SMYD3: variants seen among roughly 807,000 people sequenced by gnomAD.
SMYD3 encodes the protein SET and MYND domain containing 3.
Under a neutral mutation model 57.7 loss-of-function variants are expected in SMYD3, and 36 were observed. The ratio of observed to expected loss-of-function variants is 0.62; its 90% CI spans 0.48 to 0.82. The LOEUF (loss-of-function observed/expected upper bound fraction) is 0.82, where lower values mean the gene tolerates loss of function less well. SMYD3 is among the 40% of genes least tolerant of loss of function. The pLI, the probability that SMYD3 is intolerant of heterozygous loss-of-function variation, is 0.00. For missense variants in SMYD3, 515 were observed against 538.8 expected (o/e 0.96, Z 0.44); for synonymous variants, 211 against 195.0 (o/e 1.08, Z -0.68).
intron 5 of SMYD3, among the ~76,000 whole-genome samples, chr1:246,301,449 A>G (rs1437145570): frequency 6.6e-6 from 1 of 152,162 alleles, no homozygotes; most frequent in Non-Finnish European, 1.5e-5. Flanking sequence ...AGGGAAAACA[A>G]TAAAGCTACA....
intron 5 of SMYD3, among the ~76,000 whole-genome samples, chr1:246,086,189 T>C (rs1308994226): frequency 6.6e-6 from 1 of 152,028 alleles, no homozygotes; most frequent in Non-Finnish European, 1.5e-5. Flanking sequence ...ACAGCATACC[T>C]TTCTTAAAGG....
chr1:246,253,076 G>A (rs1006757908), intron 5 of SMYD3, among the ~76,000 whole-genome samples: 1 of 152,198 alleles, frequency 6.6e-6, no homozygotes, highest in Non-Finnish European at 1.5e-5. Flanking sequence ...ATATGTGCCT[G>A]AAACTGATAG....
Position 245,858,537 on chromosome 1 carries a change from C to G in SMYD3, c.1035G>C (p.Glu345Asp). 6.2e-7 allele frequency: 1 copy of G among 1,614,170 alleles called. No individual in the cohort carries two copies. Among genetic ancestry groups the G allele is most frequent in the East Asian group, 2.2e-5 (1 of 44,886 alleles). ...TCCGAGTACCATAGAACAAGGCTTC[C>G]TCCAACAGGCCGAGGTTGATGCAGG... ...MDACINLGLL[E>D]EALFYGTRTM... The change falls in exon 10 of 12, where the codon GAG (glutamate) becomes GAC (aspartate). Residue 345 changes from glutamate (E) to aspartate (D), a missense_variant. Transcript: ENST00000490107.
intron 1 of SMYD3, among the ~76,000 whole-genome samples, chr1:246,498,485 G>A (rs558937409): frequency 2.6e-5 from 4 of 152,312 alleles, no homozygotes; most frequent in African/African-American, 4.8e-5. Flanking sequence ...TGTAATCCCA[G>A]CACTTTGGGA....
At chr1:246,031,299 C>T (rs2059669031) in intron 5 of SMYD3, among the ~76,000 whole-genome samples, 1 of 152,008 alleles carries the variant, frequency 6.6e-6, no homozygotes, top group Non-Finnish European at 1.5e-5. Context: ...TGGGTTTATT[C>T]AGACCAACTT....
intron 1 of SMYD3, among the ~76,000 whole-genome samples, chr1:246,379,061 T>C (rs972160718): frequency 3.4e-5 from 4 of 117,146 alleles, no homozygotes; most frequent in Non-Finnish European, 5.1e-5. Flanking sequence ...TAAGTATATA[T>C]ATACTTACAC....
chr1:245,822,669 C>G (rs2049237736), intron 10 of SMYD3, among the ~76,000 whole-genome samples: 1 of 152,134 alleles, frequency 6.6e-6, no homozygotes, highest in Non-Finnish European at 1.5e-5. Flanking sequence ...TGCTAACTTC[C>G]TCCGCTGAGG....
intron 5 of SMYD3, among the ~76,000 whole-genome samples, chr1:246,257,371 T>C (rs10924641): frequency 0.21 from 31,557 of 152,138 alleles, 3,986 homozygotes; most frequent in East Asian, 0.58. Context: ...TAAATCCTCT[T>C]GTTGAATTGA....
intron 1 of SMYD3, among the ~76,000 whole-genome samples, chr1:246,392,253 T>C (rs2066585168): frequency 6.6e-6 from 1 of 151,898 alleles, no homozygotes; most frequent in East Asian, 1.9e-4. Context: ...AAAATGGGAG[T>C]TGAAGATTTT....
At chr1:245,957,503 C>A (rs780840178) in intron 5 of SMYD3, among the ~76,000 whole-genome samples, 8 of 152,234 alleles carry the variant, frequency 5.3e-5, no homozygotes, top group Non-Finnish European at 1.2e-4. Context: ...ATGCACTTCT[C>A]TAACTTGAGC....
chr1:245,836,457 G>A (rs556525901), intron 10 of SMYD3, among the ~76,000 whole-genome samples: 5 of 152,338 alleles, frequency 3.3e-5, no homozygotes, highest in East Asian at 1.9e-4. Context: ...CTTGAGAGAG[G>A]AGTCTGTGTT....
At chr1:246,384,942 T>C (rs1454350661) in intron 1 of SMYD3, among the ~76,000 whole-genome samples, 2 of 152,158 alleles carry the variant, frequency 1.3e-5, no homozygotes, top group African/African-American at 2.4e-5. Context: ...CATTACATAA[T>C]ATTCTCTAGG....
chr1:245,873,420 C>T (rs1024191007), intron 8 of SMYD3, among the ~76,000 whole-genome samples: 3 of 152,156 alleles, frequency 2.0e-5, no homozygotes, highest in Non-Finnish European at 2.9e-5. Context: ...GTTGTGTAAA[C>T]GCTACCAGGT....
At chr1:246,365,338 T>A (rs1465902298) in intron 1 of SMYD3, among the ~76,000 whole-genome samples, 22 of 145,576 alleles carry the variant, frequency 1.5e-4, no homozygotes, top group Admixed American at 3.4e-4. Flanking sequence ...AAAAAAAAAA[T>A]TAAAAAATTA....
intron 5 of SMYD3, among the ~76,000 whole-genome samples, chr1:246,094,586 T>G (rs895654805): frequency 6.6e-6 from 1 of 152,182 alleles, no homozygotes; most frequent in Non-Finnish European, 1.5e-5. Flanking sequence ...CTTTCCAGAC[T>G]TTTAAAGCCC....
chr1:246,252,465 T>TA, intron 5 of SMYD3, among the ~76,000 whole-genome samples: 1 of 152,320 alleles, frequency 6.6e-6, no homozygotes, highest in African/African-American at 2.4e-5. Flanking sequence ...CAAGGTCACA[T>TA]AGACAGTAAG....
rs576042469 is a variant in SMYD3 at position 245,792,519 on chromosome 1, T to C, written c.1077-28370A>G. Among the ~76,000 whole-genome samples the C allele has an allele frequency of 7.9e-5, 12 of 152,308 alleles. No individual in the cohort carries two copies. The East Asian group carries it at 1.7e-3, about 22-fold the overall frequency. ...GACTATGGGCAAGATTCTGATCACT[T>C]TGAGAAAAAGACAGAAAAAAAATTT... On this transcript the variant is annotated intron_variant, in intron 10 of 11. Coordinates refer to ENST00000490107, the MANE Select transcript of SMYD3 (RefSeq NM_001167740.2).
intron 10 of SMYD3, among the ~76,000 whole-genome samples, chr1:245,797,828 C>CAAAAAAAAAAAAAAAAAAAAAA (rs559088835): frequency 1.8e-5 from 2 of 109,436 alleles, no homozygotes; most frequent in Non-Finnish European, 3.5e-5. Context: ...TTCCGGGTTC[C>CAAAAAAAAAAAAAAAAAAAAAA]AAAAAAAAAA....
At chr1:245,751,548 GAGAGAGAC>G (rs1197603130) in intron 11 of SMYD3, among the ~76,000 whole-genome samples, 15 of 149,370 alleles carry the variant, frequency 1.0e-4, no homozygotes, top group Middle Eastern at 3.2e-3. Context: ...GAGAAAGAGA[GAGAGAGAC>G]AGAGAGACAG....
Sources: gnomAD v4.1 joint callset for allele counts (sites outside exome capture counted in the v4.1 genomes callset) on GRCh38, gnomAD v4.1.1 for gene constraint, MANE v1.5 for transcripts, NCBI Gene and HGNC (gene_info 2026-07-23, HGNC 2026-07-21) for gene names.